NAV3: variants seen among roughly 807,000 people sequenced by gnomAD.
The protein encoded by NAV3 is pore membrane and/or filament interacting like protein 1.
Under a neutral mutation model 244.7 loss-of-function variants are expected in NAV3, and 87 were observed. The observed-to-expected ratio is 0.36, with a 90% CI of 0.30 to 0.42. The LOEUF (loss-of-function observed/expected upper bound fraction) is 0.42, where lower values mean the gene tolerates loss of function less well. Ranked by LOEUF, NAV3 falls within the 20% of genes least tolerant of loss-of-function variation. The probability of loss-of-function intolerance (pLI) is 1.00; values close to 1 mark genes in which losing one functional copy is unlikely to be tolerated. For missense variants in NAV3, 2,663 were observed against 2,893.3 expected (o/e 0.92, Z 1.83); for synonymous variants, 1,126 against 1,042.2 (o/e 1.08, Z -1.55).
At chr12:77,778,729 A>G (rs1870516424) in intron 2 of NAV3, among the ~76,000 whole-genome samples, 1 of 152,196 alleles carries the variant, frequency 6.6e-6, no homozygotes, top group African/African-American at 2.4e-5. Context: ...GTCAAATGGA[A>G]AATTGTCTTT....
intron 1 of NAV3, among the ~76,000 whole-genome samples, chr12:77,862,698 A>G (rs1281553760): frequency 1.3e-5 from 2 of 151,894 alleles, no homozygotes; most frequent in African/African-American, 4.8e-5. Flanking sequence ...TTATCAATAA[A>G]TGAAAGCCTG....
At position 78,185,596 on chromosome 12, in the gene NAV3, G is replaced by A. The variant is rs1010590874; in HGVS notation, c.5693-5G>A. ...TGTGTATGTCTTTCTTTTAAAATTT[G>A]ATAGATATTTTGCTAGATGATGCTG... is the stretch of plus-strand genomic sequence containing the variant. On this transcript the variant is annotated splice_region_variant and splice_polypyrimidine_tract_variant and intron_variant, in intron 30 of 39. Coordinates refer to ENST00000397909, the MANE Select transcript of NAV3 (RefSeq NM_001024383.2). 3 of 1,606,292 alleles carry A rather than the reference G, an allele frequency of 1.9e-6. No individual in the cohort carries two copies. Among genetic ancestry groups the A allele is most frequent in the Non-Finnish European group, 2.6e-6 (3 of 1,176,070 alleles).
intron 2 of NAV3, among the ~76,000 whole-genome samples, chr12:77,733,833 GATT>G (rs1416367966): frequency 7.2e-4 from 78 of 108,418 alleles, no homozygotes; most frequent in African/African-American, 2.7e-3. Context: ...ACTTGGTTTA[GATT>G]TTTTTTTTTT....
At chr12:77,854,374 C>A (rs948828364) in intron 1 of NAV3, among the ~76,000 whole-genome samples, 3 of 152,132 alleles carry the variant, frequency 2.0e-5, no homozygotes, top group Non-Finnish European at 4.4e-5. Context: ...CATAAATCCC[C>A]TAAATCGTAC....
rs920841360 is a variant in NAV3, at chr12:77,841,788, T to A, written c.243+10084T>A. 3.3e-5 allele frequency among the ~76,000 whole-genome samples: 5 copies of A among 152,218 alleles called. No individual in the cohort carries two copies. In the South Asian group the frequency reaches 1.0e-3, roughly 32 times the overall value. On this transcript the variant is annotated intron_variant, in intron 1 of 39. Coordinates refer to ENST00000397909, the MANE Select transcript of NAV3 (RefSeq NM_001024383.2). ...TATATATGGTAACAAAGAAACTAGG[T>A]TCCCTCCAGTATATGGTTTCATCAT...
intron 23 of NAV3, among the ~76,000 whole-genome samples, chr12:78,167,463 A>G (rs1380949451): frequency 2.0e-5 from 3 of 151,508 alleles, no homozygotes; most frequent in Admixed American, 6.6e-5. Context: ...AAATAGATAT[A>G]TGAGGTGCCA....
rs151231319 is a variant in NAV3, at chr12:77,848,785, G to C, written c.243+17081G>C. The stretch of plus-strand genomic sequence containing the variant: ...TATGCTACATTTGCCATAGGAACTG[G>C]AACACTGAATGATTTAAATTTCATG... On this transcript the variant is annotated intron_variant, in intron 1 of 39. Transcript: ENST00000397909. 2.4e-4 allele frequency among the ~76,000 whole-genome samples: 37 copies of C among 152,232 alleles called. No homozygotes were observed. In the East Asian group the frequency reaches 6.0e-3, roughly 25 times the overall value.
At chr12:77,851,328 T>C (rs1342912094) in intron 1 of NAV3, among the ~76,000 whole-genome samples, 1 of 152,216 alleles carries the variant, frequency 6.6e-6, no homozygotes, top group Non-Finnish European at 1.5e-5. Flanking sequence ...CTTACTGCTA[T>C]TTGAACCTTT....
chr12:78,078,328 A>G (rs1418992248), intron 12 of NAV3, among the ~76,000 whole-genome samples: 1 of 138,560 alleles, frequency 7.2e-6, no homozygotes, highest in African/African-American at 2.7e-5. Context: ...CCTAATTTCT[A>G]TGAACCCAAG....
intron 30 of NAV3, among the ~76,000 whole-genome samples, chr12:78,185,070 A>G (rs1958655133): frequency 6.6e-6 from 1 of 151,820 alleles, no homozygotes. Flanking sequence ...ATTCCAGTAT[A>G]ATGCCACAGT....
intron 2 of NAV3, among the ~76,000 whole-genome samples, chr12:77,758,160 T>A (rs543704722): frequency 6.6e-6 from 1 of 152,320 alleles, no homozygotes; most frequent in East Asian, 1.9e-4. Context: ...TCGTCAGAGA[T>A]GCCTGTGACC....
chr12:77,602,541 T>C (rs1268166844), intron 2 of NAV3, among the ~76,000 whole-genome samples: 1 of 151,776 alleles, frequency 6.6e-6, no homozygotes, highest in Non-Finnish European at 1.5e-5. Context: ...AGGGGATTAA[T>C]AGCAGAGATC....
intron 2 of NAV3, among the ~76,000 whole-genome samples, chr12:77,689,280 A>C (rs1413357067): frequency 6.6e-6 from 1 of 151,982 alleles, no homozygotes; most frequent in Non-Finnish European, 1.5e-5. Flanking sequence ...GCCAGTGTTC[A>C]AGTCAAAGTA....
At position 77,742,129 on chromosome 12, in the gene NAV3, C is replaced by G. The variant is rs1348655383; in HGVS notation, c.72+169863C>G. ...TACCTAAAAATCTTTGATTAGTGAT[C>G]CATTTTTCATCCTCTATACAAGTTG... On this transcript the variant is annotated intron_variant, in intron 2 of 8. Coordinates refer to the NAV3 transcript ENST00000550042. Among the ~76,000 whole-genome samples the G allele has an allele frequency of 4.6e-5, 7 of 151,936 alleles. No homozygotes were observed. In the East Asian group the frequency reaches 1.3e-3, roughly 29 times the overall value.
At chr12:77,725,840 C>A (rs183424742) in intron 2 of NAV3, among the ~76,000 whole-genome samples, 1 of 151,866 alleles carries the variant, frequency 6.6e-6, no homozygotes, top group Admixed American at 6.6e-5. Context: ...GATCTGTGGG[C>A]GAATCCATTT....
chr12:77,660,962 A>T (rs1354827524), intron 2 of NAV3, among the ~76,000 whole-genome samples: 1 of 152,114 alleles, frequency 6.6e-6, no homozygotes, highest in Non-Finnish European at 1.5e-5. Context: ...CATTGTCTGG[A>T]TATACCATTT....
chr12:78,116,826 C>G lies in NAV3; in HGVS notation c.2691C>G (p.Ile897Met), dbSNP rs2138517189. The change falls in exon 13 of 40, where the codon ATC (isoleucine) becomes ATG (methionine). Residue 897 changes from isoleucine (I) to methionine (M), a missense_variant. Physicochemically the swap from Ile to Met is conservative, Grantham distance 10. This residue lies in a region of NAV3 where 1,521 missense variants were observed against 1,497.0 expected (regional missense o/e 1.02). Transcript: ENST00000397909. ...GTCTCAGTGACACCCTTGATAACAT[C>G]AGCACTGATGACCTGAACACCACAT... ...SSGLSDTLDN[I>M]STDDLNTTSS... 6.2e-7 allele frequency: 1 copy of G among 1,612,502 alleles called. No individual in the cohort carries two copies. The highest frequency in any genetic ancestry group is 8.5e-7 in the Non-Finnish European group (1 of 1,178,954).
intron 9 of NAV3, among the ~76,000 whole-genome samples, chr12:78,038,065 G>C (rs1880216988): frequency 6.6e-6 from 1 of 152,086 alleles, no homozygotes; most frequent in Non-Finnish European, 1.5e-5. Flanking sequence ...AGGCCTTTTT[G>C]ATAACATGAG....
intron 2 of NAV3, among the ~76,000 whole-genome samples, chr12:77,723,626 G>A (rs866492463): frequency 6.6e-6 from 1 of 151,924 alleles, no homozygotes; most frequent in Non-Finnish European, 1.5e-5. Context: ...TGGGTGCAGA[G>A]CCAACCTTGT....
Sources: allele counts gnomAD v4.1 joint callset (sites outside exome capture counted in the v4.1 genomes callset), GRCh38; gene constraint gnomAD v4.1.1; regional missense constraint gnomAD v4.1.1; transcripts MANE v1.5; gene names NCBI Gene and HGNC (gene_info 2026-07-23, HGNC 2026-07-21).